ZFR: variants seen among roughly 807,000 people sequenced by gnomAD.
ZFR encodes the protein zinc finger RNA binding protein, also known as zinc finger RNA-binding protein.
A neutral mutation model predicts 130.7 loss-of-function variants in ZFR; 19 were observed. The observed-to-expected ratio is 0.15, with a 90% CI of 0.10 to 0.21. The LOEUF is 0.21. ZFR is among the 10% of genes least tolerant of loss of function. The pLI is 1.00. For missense variants in ZFR, 872 were observed against 1,321.5 expected, an observed-to-expected ratio of 0.66 and a Z score of 5.27; for synonymous variants, 466 against 456.9, an observed-to-expected ratio of 1.02 and a Z score of -0.25.
At chr5:32,396,000 T>C (rs560799023) in intron 10 of ZFR, among the ~76,000 whole-genome samples, 2 of 152,182 alleles carry the variant, frequency 1.3e-5, no homozygotes, top group South Asian at 4.1e-4. Flanking sequence ...GGAAGGCAGA[T>C]CACTTGAGGC....
In ZFR at chr5:32,444,612, T is replaced by G; in HGVS notation, c.37+10A>C. On this transcript the variant is annotated intron_variant, in intron 1 of 19. Coordinates refer to ENST00000265069, the MANE Select transcript of ZFR (RefSeq NM_016107.5). ...CCGGGCAGAGGCCTCGCGGGCCACATTAGACTCACCATAGGTGAAAGAAAC... is the reference window on the plus strand; with the variant it reads ...CCGGGCAGAGGCCTCGCGGGCCACAGTAGACTCACCATAGGTGAAAGAAAC... 1 of 1,494,716 alleles carries G rather than the reference T, an allele frequency of 6.7e-7. No individual in the cohort carries two copies. Among genetic ancestry groups the G allele is most frequent in the Non-Finnish European group, 8.9e-7 (1 of 1,123,336 alleles). The allele number at this position is 1,494,716 out of a possible 1,614,324, so 92.6% of individuals were successfully genotyped here. A position where few individuals can be genotyped will look rare whatever the true frequency, so the allele number is the denominator to read the frequency against.
At chr5:32,431,297 A>G (rs765921710) in intron 2 of ZFR, among the ~76,000 whole-genome samples, 2 of 152,248 alleles carry the variant, frequency 1.3e-5, no homozygotes, top group Non-Finnish European at 2.9e-5. Context: ...GAGCTATCAT[A>G]TAACAAGAAC....
chr5:32,391,068 T>C (rs1281338398), intron 11 of ZFR, among the ~76,000 whole-genome samples: 1 of 152,172 alleles, frequency 6.6e-6, no homozygotes, highest in Non-Finnish European at 1.5e-5. Flanking sequence ...AGTATACAAA[T>C]ATAGAAAAGA....
chr5:32,380,062 T>C lies in ZFR; in HGVS notation c.2739+13A>G, dbSNP rs1561872790. The stretch of plus-strand genomic sequence containing the variant: ...ATAAGGCTACAAGAAAAAAGTAAAA[T>C]GATGTTCCGAACCTGGAACCACTTA... On this transcript the variant is annotated intron_variant, in intron 16 of 19. Coordinates refer to ENST00000265069, the MANE Select transcript of ZFR (RefSeq NM_016107.5). 2 of 1,611,666 alleles carry C rather than the reference T, an allele frequency of 1.2e-6. No homozygotes were observed. Among genetic ancestry groups the C allele is most frequent in the Admixed American group, 3.3e-5 (2 of 59,998 alleles).
intron 2 of ZFR, among the ~76,000 whole-genome samples, chr5:32,427,868 C>T (rs922290360): frequency 6.6e-6 from 1 of 152,100 alleles, no homozygotes; most frequent in African/African-American, 2.4e-5. Flanking sequence ...CCATTCAGTG[C>T]GTTGTCTTCT....
intron 12 of ZFR, among the ~76,000 whole-genome samples, chr5:32,389,162 C>G (rs1269355062): frequency 6.6e-6 from 1 of 152,184 alleles, no homozygotes; most frequent in Admixed American, 6.5e-5. Flanking sequence ...CTGCATCTCT[C>G]AAGATGCAGA....
Position 32,420,107 on chromosome 5 carries a change from C to T in ZFR, c.138-4G>A, listed in dbSNP as rs1234203858. 1 of 1,557,336 alleles carries T rather than the reference C, an allele frequency of 6.4e-7. No individual in the cohort carries two copies. Among genetic ancestry groups the T allele is most frequent in the Middle Eastern group, 2.3e-4 (1 of 4,440 alleles). ...TACACCCGAAGCTGGCTGCTGGCTACATTGTGGAGTACAAGAATAAATATA... is the reference window on the plus strand; with the variant it reads ...TACACCCGAAGCTGGCTGCTGGCTATATTGTGGAGTACAAGAATAAATATA... On this transcript the variant is annotated splice_region_variant and splice_polypyrimidine_tract_variant and intron_variant, in intron 2 of 19. Coordinates refer to ENST00000265069, the MANE Select transcript of ZFR (RefSeq NM_016107.5).
chr5:32,429,086 C>A (rs1413397189), intron 2 of ZFR, among the ~76,000 whole-genome samples: 2 of 149,148 alleles, frequency 1.3e-5, no homozygotes, highest in African/African-American at 5.0e-5. Flanking sequence ...CCCGGGTTCA[C>A]GCCATTCTCC....
intron 17 of ZFR, among the ~76,000 whole-genome samples, chr5:32,370,349 GAGAGAC>G (rs1219021498): frequency 0.022 from 30 of 1,346 alleles, no homozygotes; most frequent in African/African-American, 0.13. Flanking sequence ...GAGAGAGAGA[GAGAGAC>G]AGACAGACAG....
chr5:32,429,296 T>A (rs966007680), intron 2 of ZFR, among the ~76,000 whole-genome samples: 2 of 152,168 alleles, frequency 1.3e-5, no homozygotes, highest in Non-Finnish European at 2.9e-5. Flanking sequence ...TCTTCTTCCA[T>A]CTTTTAAGGG....
intron 17 of ZFR, among the ~76,000 whole-genome samples, chr5:32,371,138 G>A (rs1752662059): frequency 6.6e-6 from 1 of 152,158 alleles, no homozygotes; most frequent in African/African-American, 2.4e-5. Flanking sequence ...GGAAGACCGT[G>A]GCAAGAGGAT....
At chr5:32,366,846 C>T (rs1581678851) in intron 17 of ZFR, among the ~76,000 whole-genome samples, 1 of 150,156 alleles carries the variant, frequency 6.7e-6, no homozygotes, top group Non-Finnish European at 1.5e-5. Context: ...TTAAAAAAAT[C>T]AAGGATTGTA....
At chr5:32,416,914 C>T (rs373713463) in intron 4 of ZFR, among the ~76,000 whole-genome samples, 10 of 146,284 alleles carry the variant, frequency 6.8e-5, no homozygotes, top group Non-Finnish European at 1.2e-4. Flanking sequence ...CATTTTTTTT[C>T]TTTTTTTTTT....
At chr5:32,382,713 A>G (rs1001827042) in intron 15 of ZFR, among the ~76,000 whole-genome samples, 1 of 152,014 alleles carries the variant, frequency 6.6e-6, no homozygotes, top group East Asian at 1.9e-4. Context: ...GGGTTCAAGC[A>G]ATTCTCCTGC....
chr5:32,397,132 GA>G, intron 10 of ZFR, 86 bp downstream of exon 10: 1 of 1,459,788 alleles, frequency 6.9e-7, no homozygotes, highest in Non-Finnish European at 9.2e-7. Flanking sequence ...GCTGTGTTTA[GA>G]TGCTTTCTTT....
At chr5:32,416,273 T>C (rs1027960870) in intron 4 of ZFR, among the ~76,000 whole-genome samples, 2 of 152,190 alleles carry the variant, frequency 1.3e-5, no homozygotes, top group African/African-American at 2.4e-5. Context: ...AGCTTGGTAA[T>C]TAAACAGGAA....
At chr5:32,441,175 C>T (rs1382340490) in intron 2 of ZFR, among the ~76,000 whole-genome samples, 3 of 152,162 alleles carry the variant, frequency 2.0e-5, no homozygotes, top group Non-Finnish European at 4.4e-5. Context: ...CCGGGTTTCG[C>T]CATGTTGGTC....
chr5:32,394,243 T>C (rs1753244724), intron 11 of ZFR: 1 of 160,822 alleles, frequency 6.2e-6, no homozygotes, highest in South Asian at 2.1e-4. Flanking sequence ...CAAAATGTGG[T>C]ACATAAGGAT....
At chr5:32,370,222 C>T (rs1388656015) in intron 17 of ZFR, among the ~76,000 whole-genome samples, 2 of 151,412 alleles carry the variant, frequency 1.3e-5, no homozygotes, top group Non-Finnish European at 2.9e-5. Context: ...CCACTGTGCC[C>T]AGCACAATAA....
Sources: allele counts gnomAD v4.1 joint callset (sites outside exome capture counted in the v4.1 genomes callset), GRCh38; gene constraint gnomAD v4.1.1; transcripts MANE v1.5; gene names NCBI Gene and HGNC (gene_info 2026-07-23, HGNC 2026-07-21).